DCAF8L2: variants seen among roughly 807,000 people sequenced by gnomAD.
DCAF8L2 encodes DDB1 and CUL4 associated factor 8 like 2, also known as DDB1- and CUL4-associated factor 8-like protein 2.
For synonymous variants in DCAF8L2, 200 were observed against 190.9 expected (o/e 1.05, Z -0.39); for missense variants, 430 against 490.7 (o/e 0.88, Z 1.17).
chrX:27,699,627 C>T (rs1931055754), intron 3 of DCAF8L2, among the ~76,000 whole-genome samples: 1 of 111,420 alleles, frequency 9.0e-6, no homozygotes, highest in Admixed American at 9.6e-5. Flanking sequence ...GTGGTAGCAT[C>T]AAAGTAGTGA....
At chrX:27,486,962 C>T in the DCAF8L2 span, among the ~76,000 whole-genome samples, 1 of 111,119 alleles carries the variant, frequency 9.0e-6, no homozygotes, top group Non-Finnish European at 1.9e-5. Flanking sequence ...CTTTATATTG[C>T]CATAAGTTTA....
intron 1 of DCAF8L2, among the ~76,000 whole-genome samples, chrX:27,627,627 G>T (rs1433501433): frequency 9.2e-6 from 1 of 108,266 alleles, no homozygotes; most frequent in African/African-American, 3.4e-5. Flanking sequence ...CGGGCACAGT[G>T]TCTCATGCCT....
chrX:27,513,715 A>C, the DCAF8L2 span, among the ~76,000 whole-genome samples: 1 of 110,754 alleles, frequency 9.0e-6, no homozygotes, highest in South Asian at 3.8e-4. Flanking sequence ...AAAAAAAAAA[A>C]AAAAGGGAAC....
chrX:27,585,052 G>GT, the DCAF8L2 span, among the ~76,000 whole-genome samples: 7 of 106,875 alleles, frequency 6.5e-5, no homozygotes, highest in Non-Finnish European at 3.8e-5. Flanking sequence ...AAACAATATT[G>GT]TTTTTTTTTT....
chrX:27,693,304 A>G (rs1930776638), intron 3 of DCAF8L2, among the ~76,000 whole-genome samples: 1 of 111,504 alleles, frequency 9.0e-6, no homozygotes, highest in Non-Finnish European at 1.9e-5. Context: ...AAGTGTAGCC[A>G]CTAGTGCATA....
the DCAF8L2 span, among the ~76,000 whole-genome samples, chrX:27,525,478 A>G: frequency 9.0e-6 from 1 of 111,355 alleles, no homozygotes; most frequent in Non-Finnish European, 1.9e-5. Context: ...TCTTGACTCT[A>G]TCCAATTTGC....
the DCAF8L2 span, among the ~76,000 whole-genome samples, chrX:27,517,325 G>A: frequency 9.0e-6 from 1 of 110,882 alleles, no homozygotes; most frequent in Non-Finnish European, 1.9e-5. Context: ...ATATGAGAAG[G>A]GCACACTGAG....
chrX:27,572,114 T>C, the DCAF8L2 span, among the ~76,000 whole-genome samples: 1 of 112,252 alleles, frequency 8.9e-6, no homozygotes, highest in East Asian at 2.8e-4. Context: ...CAATCCCCTT[T>C]TCTTTCACAT....
chrX:27,737,265 G>A (rs1223939225), intron 4 of DCAF8L2, among the ~76,000 whole-genome samples: 1 of 111,484 alleles, frequency 9.0e-6, no homozygotes, highest in Non-Finnish European at 1.9e-5. Context: ...AACACGCCAA[G>A]TTGTGAGCTG....
At chrX:27,723,825 G>A (rs1371790445) in intron 4 of DCAF8L2, among the ~76,000 whole-genome samples, 2 of 110,790 alleles carry the variant, frequency 1.8e-5, no homozygotes, top group African/African-American at 3.3e-5. Flanking sequence ...TATATCAATG[G>A]GAAATTTATG....
the DCAF8L2 span, among the ~76,000 whole-genome samples, chrX:27,568,859 C>T: frequency 9.7e-6 from 1 of 103,232 alleles, no homozygotes; most frequent in Non-Finnish European, 2.0e-5. Flanking sequence ...GTGTGATGTT[C>T]CCCTTCCTGT....
At position 27,748,881 on chromosome X, in the gene DCAF8L2, T is replaced by C; in HGVS notation, c.*90T>C. 1 of 1,023,664 alleles carries C rather than the reference T, an allele frequency of 9.8e-7. No homozygotes were observed. Among genetic ancestry groups the C allele is most frequent in the Non-Finnish European group, 1.3e-6 (1 of 778,140 alleles). The allele number at this position is 1,023,664 out of a possible 1,213,427, so 84.4% of individuals were successfully genotyped here. ...TAATTTAGAATTGTCAATAGATTAA[T>C]AGATTTGCTTTTTGTCTTCTATTTT... On this transcript the variant is annotated 3_prime_UTR_variant, in exon 5 of 5. Coordinates refer to ENST00000451261, the MANE Select transcript of DCAF8L2 (RefSeq NM_001353450.2).
chrX:27,525,379 C>A, the DCAF8L2 span, among the ~76,000 whole-genome samples: 1 of 111,316 alleles, frequency 9.0e-6, no homozygotes, highest in Non-Finnish European at 1.9e-5. Flanking sequence ...TTTCCATTTG[C>A]TTGGTAGATC....
chrX:27,502,343 T>A, the DCAF8L2 span, among the ~76,000 whole-genome samples: 304 of 34,728 alleles, frequency 8.8e-3, 1 homozygote, highest in African/African-American at 0.021. Context: ...AAAATATATA[T>A]ATATATATAT....
rs1296119258 is a variant in DCAF8L2, at chrX:27,674,887, A to G, written c.-219-2949A>G. Among the ~76,000 whole-genome samples, 3 of 111,759 alleles carry G rather than the reference A, an allele frequency of 2.7e-5. No individual in the cohort carries two copies. The Admixed American group carries it at 2.9e-4, about 11-fold the overall frequency. ...GCTTTATTTGTGACTTAGTGTGAAC[A>G]TAGGACTTTCTGCTTTTTAAGAGTA... On this transcript the variant is annotated intron_variant, in intron 2 of 4. Transcript: ENST00000451261.
At chrX:27,672,733 C>T (rs954391107) in intron 2 of DCAF8L2, among the ~76,000 whole-genome samples, 8 of 112,172 alleles carry the variant, frequency 7.1e-5, no homozygotes, top group African/African-American at 2.6e-4. Flanking sequence ...AAGACAACTA[C>T]AGGGCGAAAC....
At chrX:27,739,515 T>G (rs1203620752) in intron 4 of DCAF8L2, among the ~76,000 whole-genome samples, 1 of 111,943 alleles carries the variant, frequency 8.9e-6, no homozygotes, top group Non-Finnish European at 1.9e-5. Flanking sequence ...TTCCAATGCC[T>G]AGTTCTCAGA....
At chrX:27,514,954 C>T in the DCAF8L2 span, among the ~76,000 whole-genome samples, 1 of 111,068 alleles carries the variant, frequency 9.0e-6, no homozygotes, top group Non-Finnish European at 1.9e-5. Flanking sequence ...GAAGAATATT[C>T]TGGTGTTCTA....
chrX:27,475,380 T>G, the DCAF8L2 span, among the ~76,000 whole-genome samples: 1 of 112,073 alleles, frequency 8.9e-6, no homozygotes, highest in Non-Finnish European at 1.9e-5. Context: ...CCAATTTATA[T>G]TTGAAGATAT....
Sources: allele counts gnomAD v4.1 joint callset (sites outside exome capture counted in the v4.1 genomes callset), GRCh38; gene constraint gnomAD v4.1.1; transcripts MANE v1.5; gene names NCBI Gene and HGNC (gene_info 2026-07-23, HGNC 2026-07-21).